Variants in CSF2RA observed in about 807,000 individuals in gnomAD.
The protein encoded by CSF2RA is granulocyte-macrophage colony-stimulating factor receptor subunit alpha.
A neutral mutation model predicts 51.6 loss-of-function variants in CSF2RA; 42 were observed. The ratio of observed to expected loss-of-function variants is 0.81; its 90% CI spans 0.64 to 1.05. The LOEUF is 1.05. CSF2RA is among the 50% of genes least tolerant of loss of function. CSF2RA has a pLI of 0.00. For synonymous variants in CSF2RA, 222 were observed against 193.0 expected (o/e 1.15, Z -1.24); for missense variants, 530 against 501.1 (o/e 1.06, Z -0.55).
chrX:1,294,964 G>T (rs1258406898), intron 8 of CSF2RA, among the ~76,000 whole-genome samples: 1 of 147,270 alleles, frequency 6.8e-6, no homozygotes, highest in Non-Finnish European at 1.5e-5. Context: ...GACAGGGAGA[G>T]AGACTGCCTC....
At chrX:1,305,896 C>T (rs1253915661) in intron 12 of CSF2RA, 18 of 1,010,100 alleles carry the variant, frequency 1.8e-5, no homozygotes, top group East Asian at 5.2e-5. Flanking sequence ...GCCTGGCCAA[C>T]GTGGTGAAAC....
intron 4 of CSF2RA, among the ~76,000 whole-genome samples, chrX:1,287,462 G>C (rs1223911024): frequency 6.9e-6 from 1 of 145,214 alleles, no homozygotes; most frequent in Non-Finnish European, 1.5e-5. Context: ...TTTATTTTTT[G>C]GGATGGAGTC....
intron 7 of CSF2RA, among the ~76,000 whole-genome samples, chrX:1,291,529 C>T (rs28569126): frequency 0.23 from 34,604 of 151,636 alleles, 4,411 homozygotes; most frequent in Middle Eastern, 0.31. Context: ...TATGCCCACA[C>T]GCTCTCCTCT....
At chrX:1,290,197 TTTTTGTTTTGTG>T in intron 6 of CSF2RA, 128 bp from the exon 7 acceptor site, 1 of 709,592 alleles carries the variant, frequency 1.4e-6, no homozygotes. Context: ...TTGTGGGTTT[TTTTTGTTTTGTG>T]TTTTTGTTTT....
the CSF2RA span, among the ~76,000 whole-genome samples, chrX:1,322,601 T>C: frequency 4.6e-5 from 7 of 151,692 alleles, no homozygotes; most frequent in South Asian, 2.1e-4. Context: ...GAACCCTTTG[T>C]GGTCACGCGG....
Position 1,303,897 on chromosome X carries a change from A to G in CSF2RA, c.947-26A>G, listed in dbSNP as rs191947168. 1.1e-4 allele frequency: 169 copies of G among 1,567,674 alleles called. 1 individual carries two copies. The African/African-American group carries it at 1.7e-3, about 16-fold the overall frequency. On this transcript the variant is annotated intron_variant, in intron 10 of 12. Coordinates refer to ENST00000381529, the MANE Select transcript of CSF2RA (RefSeq NM_172245.4). ...CACATGTCCGTCAACGATTCACCGC[A>G]GACGCAAACCTGTGTGTCTCTCCAG... is the stretch of plus-strand genomic sequence containing the variant.
At chrX:1,281,629 C>G (rs1455359795) in intron 2 of CSF2RA, among the ~76,000 whole-genome samples, 1 of 151,934 alleles carries the variant, frequency 6.6e-6, no homozygotes, top group Non-Finnish European at 1.5e-5. Context: ...TAAACATCCT[C>G]TGAGGTCCAT....
chrX:1,308,965 T>C (rs28627726), intron 12 of CSF2RA, among the ~76,000 whole-genome samples: 134,380 of 152,166 alleles, frequency 0.88, 59,885 homozygotes, highest in Non-Finnish European at 0.95. Flanking sequence ...CAGTGGCTCA[T>C]GCCTGTCATC....
intron 9 of CSF2RA, 123 bp from the exon 10 acceptor site, chrX:1,300,368 A>G (rs2092287988): frequency 7.8e-7 from 1 of 1,283,158 alleles, no homozygotes; most frequent in African/African-American, 1.5e-5. Context: ...AGTGGTAGAA[A>G]AAAAAGAAGA....
intron 2 of CSF2RA, among the ~76,000 whole-genome samples, chrX:1,280,952 CCTCCTCCTCCTT>C (rs1569494451): frequency 3.9e-5 from 5 of 127,536 alleles, no homozygotes; most frequent in Non-Finnish European, 8.4e-5. Context: ...TCCTGCTTCT[CCTCCTCCTCCTT>C]CTCCTCCTCC....
chrX:1,295,793 C>T (rs1305408953), intron 9 of CSF2RA, among the ~76,000 whole-genome samples: 3 of 42,562 alleles, frequency 7.0e-5, no homozygotes, highest in Non-Finnish European at 1.7e-4. Context: ...ACCTGGACCC[C>T]GTGTAGACAG....
chrX:1,285,387 G>A (rs73177303), intron 3 of CSF2RA, among the ~76,000 whole-genome samples: 28,665 of 151,812 alleles, frequency 0.19, 3,276 homozygotes, highest in Non-Finnish European at 0.25. Context: ...TCCCAGAGCC[G>A]GGTGGGAGGA....
intron 12 of CSF2RA, among the ~76,000 whole-genome samples, chrX:1,306,946 G>A (rs761312282): frequency 1.5e-4 from 22 of 151,562 alleles, no homozygotes; most frequent in Non-Finnish European, 2.2e-4. Flanking sequence ...AGACAGAGAG[G>A]GAGGCAGATA....
At chrX:1,321,447 T>C in the CSF2RA span, among the ~76,000 whole-genome samples, 6 of 150,604 alleles carry the variant, frequency 4.0e-5, no homozygotes, top group Non-Finnish European at 8.9e-5. Context: ...CCAGCCTGGG[T>C]GACAGAGTGA....
chrX:1,310,801 C>G (rs1227697398), downstream of CSF2RA, among the ~76,000 whole-genome samples: 5 of 152,076 alleles, frequency 3.3e-5, no homozygotes, highest in African/African-American at 1.2e-4. Context: ...TTGCAAATCT[C>G]AGTTTGAAAT....
rs1383583663 is a variant in CSF2RA, at chrX:1,305,809, G to A, written c.1125+282G>A. On this transcript the variant is annotated intron_variant, in intron 12 of 12. Coordinates refer to ENST00000381529, the MANE Select transcript of CSF2RA (RefSeq NM_172245.4). The stretch of plus-strand genomic sequence containing the variant: ...GAAGACGGTAGAGAGGGCCAGGCAC[G>A]GTGGCTCATGCCTGTCATCCCAGCA... 3.2e-5 allele frequency: 50 copies of A among 1,546,300 alleles called. No homozygotes were observed. The Admixed American group carries it at 3.3e-4, about 10-fold the overall frequency.
rs760154056 is a variant in CSF2RA, at chrX:1,269,089, G to A, written c.-91+210G>A. On this transcript the variant is annotated intron_variant, in intron 1 of 12. Transcript: ENST00000381529. ...TTGTCTTCTGCCTTTGTTATATGCA[G>A]GTTTTTAAAGGCAAAATTAAAAAAA... Among the ~76,000 whole-genome samples the A allele has an allele frequency of 2.5e-3, 383 of 152,020 alleles. 2 individuals are homozygous for A. Among genetic ancestry groups the A allele is most frequent in the Non-Finnish European group, 4.4e-3 (296 of 67,986 alleles).
intron 9 of CSF2RA, 143 bp from the exon 10 acceptor site, chrX:1,300,348 G>A (rs1260332308): frequency 6.0e-6 from 6 of 992,462 alleles, no homozygotes; most frequent in Non-Finnish European, 9.2e-6. Flanking sequence ...ATCAGACCAA[G>A]TGCATTCAGA....
intron 4 of CSF2RA, among the ~76,000 whole-genome samples, chrX:1,286,394 C>T (rs1427021917): frequency 1.3e-5 from 2 of 152,002 alleles, no homozygotes; most frequent in African/African-American, 2.4e-5. Flanking sequence ...CATGGTGAAA[C>T]CCCATCTCTA....
Sources: gnomAD v4.1 joint callset for allele counts (sites outside exome capture counted in the v4.1 genomes callset) on GRCh38, gnomAD v4.1.1 for gene constraint, MANE v1.5 for transcripts, NCBI Gene and HGNC (gene_info 2026-07-23, HGNC 2026-07-21) for gene names.